SEC24B: variants seen among roughly 807,000 people sequenced by gnomAD.
SEC24B encodes SEC24 homolog B, COPII component, also known as protein transport protein Sec24B.
Under a neutral mutation model 142.8 loss-of-function variants are expected in SEC24B, and 45 were observed. The observed-to-expected ratio is 0.32, with a 90% CI of 0.25 to 0.40. SEC24B has a LOEUF of 0.40. Among genes scored for constraint, SEC24B ranks in the 10% least tolerant of loss-of-function variants. The probability of loss-of-function intolerance (pLI) is 1.00; values close to 1 mark genes in which losing one functional copy is unlikely to be tolerated. For missense variants in SEC24B, 1,409 were observed against 1,526.8 expected, an observed-to-expected ratio of 0.92 and a Z score of 1.29; for synonymous variants, 574 against 568.2, an observed-to-expected ratio of 1.01 and a Z score of -0.15.
intron 11 of SEC24B, among the ~76,000 whole-genome samples, chr4:109,518,349 A>G (rs1412852238): frequency 6.6e-6 from 1 of 152,168 alleles, no homozygotes; most frequent in Non-Finnish European, 1.5e-5. Flanking sequence ...CAACACCCAC[A>G]AGAGATGTGG....
At chr4:109,503,062 C>CTTTTTT (rs200320332) in intron 6 of SEC24B, among the ~76,000 whole-genome samples, 1 of 138,428 alleles carries the variant, frequency 7.2e-6, no homozygotes, top group East Asian at 2.1e-4. Flanking sequence ...TTCTTTCTTT[C>CTTTTTT]TTTTTTTTTT....
At chr4:109,519,123 T>A (rs1723314263) in intron 11 of SEC24B, among the ~76,000 whole-genome samples, 1 of 152,106 alleles carries the variant, frequency 6.6e-6, no homozygotes, top group Non-Finnish European at 1.5e-5. Flanking sequence ...AAATACCAAG[T>A]TTTAATCCCC....
At chr4:109,480,706 C>T (rs1733651426) in intron 3 of SEC24B, among the ~76,000 whole-genome samples, 1 of 152,184 alleles carries the variant, frequency 6.6e-6, no homozygotes, top group Non-Finnish European at 1.5e-5. Context: ...GTCTCGATCT[C>T]TTAACCTTGT....
chr4:109,491,487 C>T (rs1578884921), intron 5 of SEC24B, 80 bp downstream of exon 5: 1 of 1,003,496 alleles, frequency 1.0e-6, no homozygotes, highest in East Asian at 2.4e-5. Context: ...ACATGTATTA[C>T]ACATAATAGC....
chr4:109,441,097 C>T (rs911984298), intron 1 of SEC24B, among the ~76,000 whole-genome samples: 6 of 152,124 alleles, frequency 3.9e-5, no homozygotes, highest in African/African-American at 1.4e-4. Flanking sequence ...GTAACAGGAA[C>T]TGAGGAAAAG....
chr4:109,535,574 C>T (rs1464253092), intron 22 of SEC24B, among the ~76,000 whole-genome samples: 7 of 150,846 alleles, frequency 4.6e-5, no homozygotes, highest in East Asian at 1.9e-4. Flanking sequence ...AGTGGCTGGG[C>T]GCGGTGGCTC....
At chr4:109,468,830 C>T (rs932522068) in intron 2 of SEC24B, among the ~76,000 whole-genome samples, 2 of 152,146 alleles carry the variant, frequency 1.3e-5, no homozygotes, top group Admixed American at 6.5e-5. Context: ...TGGTACTAAT[C>T]GCTCCTAGTT....
intron 14 of SEC24B, among the ~76,000 whole-genome samples, chr4:109,523,082 T>TA (rs1282413111): frequency 6.6e-6 from 1 of 152,126 alleles, no homozygotes; most frequent in Non-Finnish European, 1.5e-5. Flanking sequence ...ACCTGCCTGT[T>TA]ACCTTAGCTA....
chr4:109,530,946 A>G (rs947603802), intron 19 of SEC24B, among the ~76,000 whole-genome samples: 23 of 151,536 alleles, frequency 1.5e-4, no homozygotes, highest in Non-Finnish European at 3.2e-4. Context: ...AAATGAAGGT[A>G]TACAAATACA....
rs1344667218 is a variant in SEC24B, at chr4:109,540,725, A to G, written c.*1050A>G. On this transcript the variant is annotated 3_prime_UTR_variant, in exon 24 of 24. Transcript: ENST00000265175. ...TGATGAAACCCCATCTCTGCTAAAA[A>G]TACCAAAATTAGCCAGGGGTGCTGG... is the stretch of plus-strand genomic sequence containing the variant. 1 of 152,116 alleles carries G rather than the reference A, an allele frequency of 6.6e-6. No homozygotes were observed. The highest frequency in any genetic ancestry group is 6.5e-5 in the Admixed American group (1 of 15,270). 9.4% of individuals were successfully genotyped at this position (152,116 alleles called of 1,614,324 possible). A position where few individuals can be genotyped will look rare whatever the true frequency, so the allele number is the denominator to read the frequency against.
intron 4 of SEC24B, among the ~76,000 whole-genome samples, chr4:109,490,919 A>AT (rs1019539957): frequency 7.2e-5 from 11 of 152,162 alleles, no homozygotes; most frequent in African/African-American, 2.7e-4. Flanking sequence ...AGTCATTAAA[A>AT]TTTAATTACC....
intron 3 of SEC24B, among the ~76,000 whole-genome samples, chr4:109,475,875 C>G (rs1733064931): frequency 6.6e-6 from 1 of 151,912 alleles, no homozygotes; most frequent in African/African-American, 2.4e-5. Flanking sequence ...TTTCCATGAC[C>G]ATAATATATA....
intron 4 of SEC24B, among the ~76,000 whole-genome samples, chr4:109,486,997 T>G (rs1213550574): frequency 6.6e-6 from 1 of 151,766 alleles, no homozygotes; most frequent in East Asian, 1.9e-4. Context: ...AAACCCCATA[T>G]CTACTAAAAA....
At chr4:109,479,251 T>C (rs1733481033) in intron 3 of SEC24B, among the ~76,000 whole-genome samples, 1 of 152,238 alleles carries the variant, frequency 6.6e-6, no homozygotes, top group African/African-American at 2.4e-5. Flanking sequence ...ATTTATACCT[T>C]GGAAGCTCTG....
intron 4 of SEC24B, among the ~76,000 whole-genome samples, chr4:109,483,022 T>A (rs1342141926): frequency 1.1e-5 from 1 of 92,568 alleles, no homozygotes; most frequent in African/African-American, 6.8e-5. Flanking sequence ...CATATGTTTT[T>A]TATATATGTA....
At chr4:109,531,602 C>T in intron 20 of SEC24B, 80 bp downstream of exon 20, 2 of 1,052,550 alleles carry the variant, frequency 1.9e-6, no homozygotes, top group Non-Finnish European at 2.8e-6. Flanking sequence ...TGATAATATA[C>T]TATCAACTGG....
intron 4 of SEC24B, among the ~76,000 whole-genome samples, chr4:109,489,314 G>C (rs1037249356): frequency 1.1e-4 from 16 of 151,836 alleles, no homozygotes; most frequent in Non-Finnish European, 2.4e-4. Flanking sequence ...GATATGTCTA[G>C]TTGTTCCAGC....
At chr4:109,536,628 C>T (rs576976659) in intron 22 of SEC24B, among the ~76,000 whole-genome samples, 76 of 152,226 alleles carry the variant, frequency 5.0e-4, no homozygotes, top group African/African-American at 1.7e-3. Context: ...CTCCCGGGTT[C>T]GCGCCATTCT....
At chr4:109,470,215 C>G (rs1044696160) in intron 2 of SEC24B, among the ~76,000 whole-genome samples, 3 of 152,128 alleles carry the variant, frequency 2.0e-5, no homozygotes, top group African/African-American at 7.2e-5. Flanking sequence ...TAACCACATC[C>G]CACAACACAG....
Sources: gnomAD v4.1 joint callset for allele counts (sites outside exome capture counted in the v4.1 genomes callset) on GRCh38, gnomAD v4.1.1 for gene constraint, MANE v1.5 for transcripts, NCBI Gene and HGNC (gene_info 2026-07-23, HGNC 2026-07-21) for gene names.